The following SPECC1L variants were observed in gnomAD, a reference collection of about 807,000 sequenced individuals.
SPECC1L encodes the protein cytospin-A.
A neutral mutation model predicts 116.8 loss-of-function variants in SPECC1L; 40 were observed. The ratio of observed to expected loss-of-function variants is 0.34; its 90% CI spans 0.27 to 0.45. The LOEUF is 0.45. SPECC1L is among the 20% of genes least tolerant of loss of function. The pLI is 1.00. For missense variants in SPECC1L, 1,110 were observed against 1,373.6 expected, an observed-to-expected ratio of 0.81 and a Z score of 3.03; for synonymous variants, 504 against 500.6, an observed-to-expected ratio of 1.01 and a Z score of -0.09.
rs769737594 is a variant in SPECC1L, at chr22:24,363,275, A to T, written c.2758A>T (p.Thr920Ser). 4 of 1,614,164 alleles carry T rather than the reference A, an allele frequency of 2.5e-6. No homozygotes were observed. The South Asian group carries it at 4.4e-5, about 18-fold the overall frequency. ...ACTTTGTACAGAGCATCTGTTAAGAACATCTTCAGCCAGCCGGCCTGCTTC... is the reference window on the plus strand; with the variant it reads ...ACTTTGTACAGAGCATCTGTTAAGATCATCTTCAGCCAGCCGGCCTGCTTC... ...EIPVQEHLLR[T>S]SSASRPASLP... is the part of the protein sequence containing the mutation. The change falls in exon 12 of 17, where the codon ACA becomes TCA. Residue 920 changes from threonine (T) to serine (S), a missense_variant. Physicochemically the swap from Thr to Ser is moderately conservative, Grantham distance 58 (BLOSUM62 1). Coordinates refer to ENST00000314328, the MANE Select transcript of SPECC1L (RefSeq NM_015330.6).
At chr22:24,375,385 A>G (rs1163718499) in intron 14 of SPECC1L, among the ~76,000 whole-genome samples, 1 of 152,218 alleles carries the variant, frequency 6.6e-6, no homozygotes, top group Non-Finnish European at 1.5e-5. Flanking sequence ...AGAAAACTGT[A>G]AAAGCCCTTG....
chr22:24,349,229 C>T (rs779757334), intron 11 of SPECC1L, among the ~76,000 whole-genome samples: 9 of 152,036 alleles, frequency 5.9e-5, no homozygotes, highest in African/African-American at 9.7e-5. Flanking sequence ...TTAGTAGAGA[C>T]GGGGTTTTGC....
chr22:24,399,643 C>T (rs983197836), intron 14 of SPECC1L, among the ~76,000 whole-genome samples: 1 of 152,124 alleles, frequency 6.6e-6, no homozygotes, highest in Non-Finnish European at 1.5e-5. Flanking sequence ...TGTGAAGCTT[C>T]AATATAGTTG....
At chr22:24,378,834 AT>A (rs1487202088) in intron 14 of SPECC1L, among the ~76,000 whole-genome samples, 3 of 152,168 alleles carry the variant, frequency 2.0e-5, no homozygotes, top group African/African-American at 7.2e-5. Context: ...ATACATCACC[AT>A]AACAGTTATA....
At chr22:24,400,212 C>G (rs755046133) in intron 14 of SPECC1L, among the ~76,000 whole-genome samples, 2 of 152,248 alleles carry the variant, frequency 1.3e-5, no homozygotes, top group Non-Finnish European at 2.9e-5. Flanking sequence ...GTGGAAACCA[C>G]CTACCCATTC....
chr22:24,381,342 C>A (rs1178496431), intron 14 of SPECC1L, among the ~76,000 whole-genome samples: 1 of 152,040 alleles, frequency 6.6e-6, no homozygotes, highest in African/African-American at 2.4e-5. Flanking sequence ...TAATCTAGTA[C>A]AAAATAGTTT....
At chr22:24,293,430 C>T (rs1052623239) in intron 2 of SPECC1L, among the ~76,000 whole-genome samples, 5 of 151,798 alleles carry the variant, frequency 3.3e-5, no homozygotes, top group Admixed American at 6.6e-5. Context: ...TCCAGCCTGG[C>T]GACAGAGCGA....
intron 14 of SPECC1L, among the ~76,000 whole-genome samples, chr22:24,383,790 C>CAATTTTTT (rs2042104477): frequency 1.3e-5 from 1 of 77,160 alleles, no homozygotes; most frequent in Non-Finnish European, 2.5e-5. Context: ...GCACCCACCA[C>CAATTTTTT]TATTTTTTTT....
intron 4 of SPECC1L, among the ~76,000 whole-genome samples, chr22:24,315,399 A>G (rs2040540005): frequency 6.6e-6 from 1 of 152,274 alleles, no homozygotes; most frequent in South Asian, 2.1e-4. Flanking sequence ...GTCTTGGCCA[A>G]GGCCATGCAT....
chr22:24,411,539 A>G, intron 14 of SPECC1L, 49 bp from the exon 15 acceptor site: 1 of 1,550,076 alleles, frequency 6.5e-7, no homozygotes, highest in Non-Finnish European at 8.9e-7. Context: ...GCATCTCCTA[A>G]GAGGGTCCCA....
chr22:24,346,796 A>G (rs1459146747), intron 10 of SPECC1L, among the ~76,000 whole-genome samples: 1 of 152,228 alleles, frequency 6.6e-6, no homozygotes, highest in East Asian at 1.9e-4. Flanking sequence ...GTATTTTACT[A>G]TAGGTTTGTA....
chr22:24,359,289 A>G (rs2041596393), intron 11 of SPECC1L, among the ~76,000 whole-genome samples: 1 of 151,930 alleles, frequency 6.6e-6, no homozygotes, highest in Admixed American at 6.6e-5. Flanking sequence ...CACCGAGTGC[A>G]CTCCCACGCC....
At chr22:24,390,151 AG>A (rs1344137225) in intron 14 of SPECC1L, among the ~76,000 whole-genome samples, 1 of 150,836 alleles carries the variant, frequency 6.6e-6, no homozygotes, top group African/African-American at 2.4e-5. Flanking sequence ...AAAAAAAAAA[AG>A]AGGACTTTAG....
At chr22:24,412,847 A>G in intron 16 of SPECC1L, 140 bp downstream of exon 16, 3 of 865,942 alleles carry the variant, frequency 3.5e-6, no homozygotes, top group Non-Finnish European at 5.7e-6. Context: ...CTCTGGGGCC[A>G]AGGGAGGGTC....
intron 14 of SPECC1L, among the ~76,000 whole-genome samples, chr22:24,396,305 TTTG>T (rs1376549975): frequency 2.6e-5 from 4 of 151,880 alleles, no homozygotes; most frequent in East Asian, 3.9e-4. Flanking sequence ...GTTTTTTTTT[TTTG>T]TTGTTGTTTT....
At chr22:24,356,817 C>A (rs953934486) in intron 11 of SPECC1L, among the ~76,000 whole-genome samples, 5 of 151,986 alleles carry the variant, frequency 3.3e-5, no homozygotes, top group African/African-American at 1.2e-4. Context: ...TATTTGTATC[C>A]ATTAAATTCT....
intron 2 of SPECC1L, among the ~76,000 whole-genome samples, chr22:24,288,644 T>TG (rs2049098013): frequency 8.0e-6 from 1 of 125,308 alleles, no homozygotes; most frequent in Admixed American, 8.6e-5. Context: ...TTTTTTTTTT[T>TG]GGACATATCC....
chr22:24,285,043 T>G (rs184395738), intron 2 of SPECC1L, among the ~76,000 whole-genome samples: 4 of 152,080 alleles, frequency 2.6e-5, no homozygotes, highest in Admixed American at 2.0e-4. Flanking sequence ...AACTCTAGAG[T>G]GATCAAAGCT....
intron 8 of SPECC1L, among the ~76,000 whole-genome samples, chr22:24,331,287 T>C (rs951103750): frequency 2.0e-5 from 3 of 152,212 alleles, no homozygotes; most frequent in African/African-American, 7.2e-5. Flanking sequence ...AGTATATCTT[T>C]AAAAAATGGT....
Sources: allele counts gnomAD v4.1 joint callset (sites outside exome capture counted in the v4.1 genomes callset), GRCh38; gene constraint gnomAD v4.1.1; transcripts MANE v1.5; gene names NCBI Gene and HGNC (gene_info 2026-07-23, HGNC 2026-07-21).